Variants in OPCML observed in about 807,000 individuals in gnomAD.
OPCML encodes the protein opioid-binding protein/cell adhesion molecule.
A neutral mutation model predicts 37.8 loss-of-function variants in OPCML; 13 were observed. That is an observed-to-expected ratio of 0.34 (90% CI 0.22 to 0.55). The LOEUF (loss-of-function observed/expected upper bound fraction) is 0.55, where lower values mean the gene tolerates loss of function less well. Ranked by LOEUF, OPCML falls within the 20% of genes least tolerant of loss-of-function variation. The probability of loss-of-function intolerance (pLI) is 0.91; values close to 1 mark genes in which losing one functional copy is unlikely to be tolerated. For missense variants in OPCML, 341 were observed against 435.6 expected (o/e 0.78, Z 1.93); for synonymous variants, 176 against 168.8 (o/e 1.04, Z -0.33).
At chr11:133,307,994 T>C (rs538821598) in intron 1 of OPCML, among the ~76,000 whole-genome samples, 1 of 152,224 alleles carries the variant, frequency 6.6e-6, no homozygotes, top group African/African-American at 2.4e-5. Flanking sequence ...GTGTAAGAGC[T>C]AGAAATCTAA....
chr11:132,872,091 C>G (rs975582625), intron 2 of OPCML, among the ~76,000 whole-genome samples: 2 of 152,140 alleles, frequency 1.3e-5, no homozygotes, highest in African/African-American at 2.4e-5. Context: ...TTGGTATCTT[C>G]AAGGTGAGAG....
chr11:133,206,078 C>T lies in OPCML; in HGVS notation c.62-263068G>A, dbSNP rs1343688987. ...TACCATGTCTAGTGCCTACAGTTAA[C>T]ATTTAATAATAACTGTATTATTCTG... is the stretch of plus-strand genomic sequence containing the variant. On this transcript the variant is annotated intron_variant, in intron 1 of 7. Coordinates refer to ENST00000524381, the MANE Select transcript of OPCML (RefSeq NM_001012393.5). This position sits in a 1 kb window ranked among gnomAD's most constrained non-coding sequence, Gnocchi z 4.7. 6.6e-6 allele frequency among the ~76,000 whole-genome samples: 1 copy of T among 152,200 alleles called. No homozygotes were observed. Among genetic ancestry groups the T allele is most frequent in the Non-Finnish European group, 1.5e-5 (1 of 68,042 alleles).
chr11:132,776,205 A>G (rs1456280733), intron 2 of OPCML, among the ~76,000 whole-genome samples: 2 of 152,236 alleles, frequency 1.3e-5, no homozygotes, highest in Non-Finnish European at 2.9e-5. Context: ...CTGTGATTAT[A>G]GGTGTTGAGT....
At chr11:133,286,682 G>T (rs959187722) in intron 1 of OPCML, among the ~76,000 whole-genome samples, 1 of 152,126 alleles carries the variant, frequency 6.6e-6, no homozygotes, top group African/African-American at 2.4e-5. Context: ...ACTGGAGCCT[G>T]ACCATCTACC....
In OPCML at chr11:132,583,430, C is replaced by A. The variant is rs1285079076; in HGVS notation, c.380-54244G>T. Among the ~76,000 whole-genome samples, 6 of 151,968 alleles carry A rather than the reference C, an allele frequency of 3.9e-5. No homozygotes were observed. In the East Asian group the frequency reaches 9.7e-4, roughly 25 times the overall value. On this transcript the variant is annotated intron_variant, in intron 3 of 7. Coordinates refer to ENST00000524381, the MANE Select transcript of OPCML (RefSeq NM_001012393.5). Reference sequence around the variant, plus strand: ...CCTCTCATCTCAGCCTCCTGAGAAACCGGGTCTACAGGCACGTGCCACTGT... The same window carrying A: ...CCTCTCATCTCAGCCTCCTGAGAAAACGGGTCTACAGGCACGTGCCACTGT...
At chr11:133,350,078 C>T (rs1944097110) in intron 1 of OPCML, among the ~76,000 whole-genome samples, 1 of 152,196 alleles carries the variant, frequency 6.6e-6, no homozygotes, top group South Asian at 2.1e-4. Context: ...ATAGAAAAGC[C>T]AACCTGCTGT....
intron 3 of OPCML, among the ~76,000 whole-genome samples, chr11:132,595,760 C>T (rs940389694): frequency 1.3e-5 from 2 of 152,130 alleles, no homozygotes; most frequent in African/African-American, 2.4e-5. Flanking sequence ...ATCAGGAGGA[C>T]GTGGCAGAGG....
intron 4 of OPCML, among the ~76,000 whole-genome samples, chr11:132,481,224 G>A (rs1468947158): frequency 9.2e-5 from 14 of 152,126 alleles, no homozygotes; most frequent in Admixed American, 7.9e-4. Context: ...AGGGATGGAG[G>A]AAGATCTACC....
At chr11:132,785,048 G>T (rs1438684981) in intron 2 of OPCML, among the ~76,000 whole-genome samples, 1 of 152,040 alleles carries the variant, frequency 6.6e-6, no homozygotes, top group Non-Finnish European at 1.5e-5. Context: ...ACTCCCAGAG[G>T]TTACACACTA....
intron 1 of OPCML, chr11:133,360,401 G>A (rs1944387019): frequency 6.6e-6 from 1 of 152,218 alleles, no homozygotes; most frequent in Non-Finnish European, 1.5e-5. Flanking sequence ...TGCAAGGGCC[G>A]ACGATGCCCG....
At chr11:132,528,160 C>T (rs2212487) in intron 4 of OPCML, among the ~76,000 whole-genome samples, 41,767 of 151,300 alleles carry the variant, frequency 0.28, 5,828 homozygotes, top group Middle Eastern at 0.42. Context: ...TCTTCTGTTA[C>T]GGTTAGGGCT....
intron 1 of OPCML, among the ~76,000 whole-genome samples, chr11:132,955,180 C>CA (rs1945951283): frequency 6.6e-6 from 1 of 151,990 alleles, no homozygotes; most frequent in Admixed American, 6.6e-5. Context: ...GAGGTTGGCA[C>CA]GGTTTTGTCT....
intron 1 of OPCML, among the ~76,000 whole-genome samples, chr11:133,196,012 AC>A (rs554049211): frequency 8.7e-4 from 132 of 152,288 alleles, no homozygotes; most frequent in African/African-American, 3.0e-3. Context: ...GTGAGTTGAG[AC>A]TTTTGTTTGT....
chr11:132,736,177 G>A (rs1945249833), intron 2 of OPCML, among the ~76,000 whole-genome samples: 1 of 152,192 alleles, frequency 6.6e-6, no homozygotes, highest in African/African-American at 2.4e-5. Flanking sequence ...GAATGTGTGT[G>A]AGAGTATGTG....
At chr11:132,840,689 A>C (rs903581648) in intron 2 of OPCML, among the ~76,000 whole-genome samples, 1 of 152,228 alleles carries the variant, frequency 6.6e-6, no homozygotes, top group East Asian at 1.9e-4. Flanking sequence ...TTAAATGCTC[A>C]GGAAATTACA....
At chr11:132,828,680 G>T (rs1412973111) in intron 2 of OPCML, among the ~76,000 whole-genome samples, 1 of 152,062 alleles carries the variant, frequency 6.6e-6, no homozygotes, top group Non-Finnish European at 1.5e-5. Flanking sequence ...CATGTCATAG[G>T]CAAATGACAA....
chr11:133,123,851 C>T (rs540288045), intron 1 of OPCML, among the ~76,000 whole-genome samples: 4 of 152,164 alleles, frequency 2.6e-5, no homozygotes, highest in East Asian at 1.9e-4. Flanking sequence ...TTGGTATCAA[C>T]GTTCCATGTC....
In OPCML at chr11:132,565,816, T is replaced by A. The variant is rs1371067248; in HGVS notation, c.380-36630A>T. On this transcript the variant is annotated intron_variant, in intron 3 of 7. Transcript: ENST00000524381. ...GGGAGGCTGGGGCAGTCAGATCACT[T>A]GAGGTCAGGAGTTCAAGACTAGCCT... Among the ~76,000 whole-genome samples the A allele has an allele frequency of 2.6e-5, 4 of 152,176 alleles. No individual in the cohort carries two copies. In the East Asian group the frequency reaches 7.7e-4, roughly 29 times the overall value.
chr11:133,152,201 T>A (rs574429921), intron 1 of OPCML, among the ~76,000 whole-genome samples: 2 of 152,254 alleles, frequency 1.3e-5, no homozygotes, highest in East Asian at 3.9e-4. Context: ...GAGGGTCAGA[T>A]ACCCCTTCCA....
Sources: gnomAD v4.1 joint callset for allele counts (sites outside exome capture counted in the v4.1 genomes callset) on GRCh38, gnomAD v4.1.1 for gene constraint, Gnocchi (gnomAD v3.1) non-coding constraint, MANE v1.5 for transcripts, NCBI Gene and HGNC (gene_info 2026-07-23, HGNC 2026-07-21) for gene names.